Variants in CNOT11 observed in about 807,000 individuals in gnomAD.
CNOT11 encodes the protein UPF0760 protein C2orf29.
Under a neutral mutation model 44.6 loss-of-function variants are expected in CNOT11, and 18 were observed. That is an observed-to-expected ratio of 0.40 (90% CI 0.28 to 0.60). CNOT11 has a LOEUF of 0.60. Among genes scored for constraint, CNOT11 ranks in the 20% least tolerant of loss-of-function variants. CNOT11 has a pLI of 0.38. For synonymous variants in CNOT11, 291 were observed against 270.9 expected, an observed-to-expected ratio of 1.07 and a Z score of -0.73; for missense variants, 513 against 677.0, an observed-to-expected ratio of 0.76 and a Z score of 2.69.
chr2:101,261,685 A>G (rs767236325), intron 2 of CNOT11, among the ~76,000 whole-genome samples: 8 of 152,088 alleles, frequency 5.3e-5, no homozygotes, highest in Non-Finnish European at 7.4e-5. Flanking sequence ...ATTTTTGCCA[A>G]TCTGGTGGGT....
chr2:101,264,736 C>T (rs1479850597), intron 3 of CNOT11, 109 bp from the exon 4 acceptor site: 4 of 850,394 alleles, frequency 4.7e-6, no homozygotes, highest in Non-Finnish European at 5.7e-6. Context: ...GTTCTAGTCA[C>T]ATCATCCTTA....
In CNOT11 at chr2:101,253,050, C is replaced by T; in HGVS notation, c.86C>T (p.Ala29Val). The T allele has an allele frequency of 6.6e-7, 1 of 1,515,702 alleles. No homozygotes were observed. Among genetic ancestry groups the T allele is most frequent in the South Asian group, 1.2e-5 (1 of 82,224 alleles). The allele number at this position is 1,515,702 out of a possible 1,614,324, so 93.9% of individuals were successfully genotyped here. A position where few individuals can be genotyped will look rare whatever the true frequency, so the allele number is the denominator to read the frequency against. The change falls in exon 1 of 7, where the codon GCG becomes GTG. Residue 29 changes from alanine to valine, a missense_variant. Ala to Val is a moderately conservative substitution (Grantham distance 64). This residue lies in a region of CNOT11 where 259 missense variants were observed against 265.7 expected (regional missense o/e 0.97). Transcript: ENST00000289382. The surrounding 1 kb of genome is among the most constrained non-coding windows in gnomAD (Gnocchi z 4.3). ...GGGTCCCGGGAAGCGGCAGGGTCGG[C>T]GTCCAGGAGCGGCTTCGGGGGCTCC... is the stretch of plus-strand genomic sequence containing the variant. ...QRGSREAAGS[A>V]SRSGFGGSGG...
intron 2 of CNOT11, among the ~76,000 whole-genome samples, chr2:101,261,096 A>G (rs1474906329): frequency 6.6e-6 from 1 of 152,186 alleles, no homozygotes; most frequent in Non-Finnish European, 1.5e-5. Context: ...GAAGTGAAAC[A>G]TGCATTCACT....
intron 2 of CNOT11, among the ~76,000 whole-genome samples, chr2:101,262,108 A>G (rs922881278): frequency 6.6e-6 from 1 of 151,956 alleles, no homozygotes; most frequent in African/African-American, 2.4e-5. Context: ...TCGGCCTCCC[A>G]AAGTGCTGGA....
chr2:101,262,924 C>T (rs1681901047), intron 3 of CNOT11, among the ~76,000 whole-genome samples: 1 of 152,094 alleles, frequency 6.6e-6, no homozygotes, highest in South Asian at 2.1e-4. Context: ...CTATCCTATG[C>T]ATACCTAAAG....
intron 4 of CNOT11, 52 bp from the exon 5 acceptor site, chr2:101,266,625 C>T: frequency 7.0e-7 from 1 of 1,419,632 alleles, no homozygotes; most frequent in South Asian, 1.2e-5. Flanking sequence ...AAAATTGACT[C>T]AACACCCTTT....
At chr2:101,267,571 C>T (rs950097331) in intron 5 of CNOT11, among the ~76,000 whole-genome samples, 1 of 152,196 alleles carries the variant, frequency 6.6e-6, no homozygotes, top group African/African-American at 2.4e-5. Flanking sequence ...GTCCTAGCTT[C>T]CTCGTGCTCT....
intron 1 of CNOT11, among the ~76,000 whole-genome samples, chr2:101,256,468 G>C (rs1445213902): frequency 6.6e-6 from 1 of 152,172 alleles, no homozygotes; most frequent in African/African-American, 2.4e-5. Context: ...CTACATCTGA[G>C]GGAATGCAGC....
Position 101,269,627 on chromosome 2 carries a change from T to A in CNOT11, c.*214T>A, listed in dbSNP as rs1682065894. ...ACATGTCTTTTAGGTGTCTTGCTGA[T>A]GACTATCCATAGGAGGAATGGCTAT... On this transcript the variant is annotated 3_prime_UTR_variant, in exon 7 of 7. Coordinates refer to ENST00000289382, the MANE Select transcript of CNOT11 (RefSeq NM_017546.5). This position sits in a 1 kb window ranked among gnomAD's most constrained non-coding sequence, Gnocchi z 4.8. 2.3e-6 allele frequency: 1 copy of A among 433,806 alleles called. No homozygotes were observed. The highest frequency in any genetic ancestry group is 4.1e-6 in the Non-Finnish European group (1 of 245,602). The allele number at this position is 433,806 out of a possible 1,614,324, so 26.9% of individuals were successfully genotyped here.
intron 5 of CNOT11, among the ~76,000 whole-genome samples, 157 bp downstream of exon 5, chr2:101,267,036 C>T (rs901985421): frequency 2.6e-5 from 4 of 152,170 alleles, no homozygotes; most frequent in Non-Finnish European, 5.9e-5. Flanking sequence ...GTAAATTTAG[C>T]ATGCGTTAAT....
intron 5 of CNOT11, 121 bp from the exon 6 acceptor site, chr2:101,268,919 G>T (rs1469532522): frequency 1.6e-6 from 1 of 629,096 alleles, no homozygotes; most frequent in Non-Finnish European, 2.8e-6. Flanking sequence ...TAAAACTAGG[G>T]AATTGGATAT....
rs376624499 is a variant in CNOT11 at position 101,257,769 on chromosome 2, C to A, written c.515-22C>A. 1.0e-5 allele frequency: 16 copies of A among 1,591,108 alleles called. No individual in the cohort carries two copies. The South Asian group carries it at 1.3e-4, about 13-fold the overall frequency. On this transcript the variant is annotated intron_variant, in intron 1 of 6. Transcript: ENST00000289382. Reference sequence around the variant, plus strand: ...TTTTAAAAGTAACCATTGGAGAAATCGTTATACATTTTTGTTTGCAGGATT... The same window carrying A: ...TTTTAAAAGTAACCATTGGAGAAATAGTTATACATTTTTGTTTGCAGGATT...
At chr2:101,257,165 A>T (rs1256432321) in intron 1 of CNOT11, among the ~76,000 whole-genome samples, 2 of 151,684 alleles carry the variant, frequency 1.3e-5, no homozygotes, top group Admixed American at 1.3e-4. Context: ...GGCTGAGGCG[A>T]GTGGATCACC....
chr2:101,265,809 C>G (rs1681968658), intron 4 of CNOT11, among the ~76,000 whole-genome samples: 1 of 152,120 alleles, frequency 6.6e-6, no homozygotes, highest in Non-Finnish European at 1.5e-5. Flanking sequence ...AAAGTAGCCC[C>G]CACTGCCCGA....
intron 4 of CNOT11, among the ~76,000 whole-genome samples, chr2:101,265,580 A>G (rs911885349): frequency 6.6e-6 from 1 of 152,092 alleles, no homozygotes; most frequent in African/African-American, 2.4e-5. Flanking sequence ...GATGGCAAAA[A>G]TGTTCTAACT....
intron 3 of CNOT11, 82 bp downstream of exon 3, chr2:101,262,773 C>A (rs151008499): frequency 0.014 from 15,486 of 1,117,686 alleles, 143 homozygotes; most frequent in Non-Finnish European, 0.018. Context: ...TTTGAGACAT[C>A]ATTTTATTTT....
At position 101,269,684 on chromosome 2, in the gene CNOT11, G is replaced by A; in HGVS notation, c.*271G>A. 1 of 300,858 alleles carries A rather than the reference G, an allele frequency of 3.3e-6. No individual in the cohort carries two copies. The highest frequency in any genetic ancestry group is 5.8e-5 in the East Asian group (1 of 17,332). 18.6% of individuals were successfully genotyped at this position (300,858 alleles called of 1,614,324 possible). ...AAAAGTTCCGCAAAAAAGTAGATGA[G>A]TTTCTTTTTTTTTTAAGCACTAAAG... On this transcript the variant is annotated 3_prime_UTR_variant, in exon 7 of 7. Transcript: ENST00000289382. The surrounding 1 kb of genome is among the most constrained non-coding windows in gnomAD (Gnocchi z 4.8).
chr2:101,255,413 T>G (rs895347792), intron 1 of CNOT11, among the ~76,000 whole-genome samples: 1 of 151,786 alleles, frequency 6.6e-6, no homozygotes, highest in Admixed American at 6.6e-5. Context: ...GAGAATGGCG[T>G]GAACCTGGGA....
Position 101,266,692 on chromosome 2 carries a change from GA to G in CNOT11, c.1056del (p.Asp353ThrfsTer24), listed in dbSNP as rs1184381827. Reference protein sequence around the residue: ...PQQTQLLGELEKDPKLVYHIG... With the variant: ...PQQTQLLGELXKDPKLVYHIG... ...GTGTATTTAGCTACTTGGTGAGTTG[GA>G]AAAAGACCCCAAACTTGTCTACCAT... On this transcript the variant is annotated frameshift_variant, in exon 5 of 7. Transcript: ENST00000289382. LOFTEE classifies it high-confidence loss of function. 1.2e-6 allele frequency: 2 copies of G among 1,613,928 alleles called. No homozygotes were observed. The highest frequency in any genetic ancestry group is 1.7e-6 in the Non-Finnish European group (2 of 1,179,906).
Sources: gnomAD v4.1 joint callset for allele counts (sites outside exome capture counted in the v4.1 genomes callset) on GRCh38, gnomAD v4.1.1 for gene constraint, gnomAD v4.1.1 regional missense constraint, Gnocchi (gnomAD v3.1) non-coding constraint, MANE v1.5 for transcripts, NCBI Gene and HGNC (gene_info 2026-07-23, HGNC 2026-07-21) for gene names.